OR5AS1: variants seen among roughly 807,000 people sequenced by gnomAD.
The protein encoded by OR5AS1 is olfactory receptor 5AS1.
For synonymous variants in OR5AS1, 196 were observed against 141.7 expected (o/e 1.38, Z -2.72); for missense variants, 492 against 378.2 (o/e 1.30, Z -2.50).
rs1853361216 is a variant in OR5AS1, at chr11:56,032,495, A to G, written c.*1102A>G. The G allele has an allele frequency of 6.6e-6, 1 of 152,130 alleles. No individual in the cohort carries two copies. The highest frequency in any genetic ancestry group is 2.1e-4 in the South Asian group (1 of 4,836). The allele number at this position is 152,130 out of a possible 1,614,324, so 9.4% of individuals were successfully genotyped here. ...GTCTTATTTTGACAAAGTTAAAGTG[A>G]TACACCATGTACATGTGAAATAAAA... On this transcript the variant is annotated 3_prime_UTR_variant, in exon 2 of 2. Coordinates refer to ENST00000641320, the MANE Select transcript of OR5AS1 (RefSeq NM_001001921.2).
At position 56,037,060 on chromosome 11, in the gene OR5AS1, CA is replaced by C. The variant is rs1364829354; in HGVS notation, c.*5669del. The C allele has an allele frequency of 7.9e-5, 12 of 152,064 alleles. No homozygotes were observed. The highest frequency in any genetic ancestry group is 1.6e-4 in the Non-Finnish European group (11 of 68,028). The allele number at this position is 152,064 out of a possible 1,614,324, so 9.4% of individuals were successfully genotyped here. ...TGCCGAAAAGGCCTTTGATAAAATT[CA>C]ACACCCTTCGTGCTAAAAACTCTCA... On this transcript the variant is annotated 3_prime_UTR_variant, in exon 2 of 2. Coordinates refer to ENST00000641320, the MANE Select transcript of OR5AS1 (RefSeq NM_001001921.2).
At chr11:56,030,354 T>A in intron 1 of OR5AS1, 37 bp from the exon 2 acceptor site, 2 of 1,030,992 alleles carry the variant, frequency 1.9e-6, no homozygotes, top group South Asian at 3.3e-5. Flanking sequence ...GGTTCATCCA[T>A]AACTCAAGTT....
Position 56,030,403 on chromosome 11 carries a change from A to G in OR5AS1, c.-16A>G. Reference sequence around the variant, plus strand: ...TGATACTACCTAGGTCCAGTGGGAAAAACAAGAAAACTAAGATGTTGGAGA... The same window carrying G: ...TGATACTACCTAGGTCCAGTGGGAAGAACAAGAAAACTAAGATGTTGGAGA... On this transcript the variant is annotated 5_prime_UTR_variant, in exon 2 of 2. Coordinates refer to ENST00000641320, the MANE Select transcript of OR5AS1 (RefSeq NM_001001921.2). 2 of 1,434,164 alleles carry G rather than the reference A, an allele frequency of 1.4e-6. No homozygotes were observed. The highest frequency in any genetic ancestry group is 1.8e-6 in the Non-Finnish European group (2 of 1,089,292). 88.8% of individuals were successfully genotyped at this position (1,434,164 alleles called of 1,614,324 possible).
At position 56,035,839 on chromosome 11, in the gene OR5AS1, C is replaced by G. The variant is rs191103504; in HGVS notation, c.*4446C>G. 2.0e-5 allele frequency: 3 copies of G among 152,076 alleles called. No homozygotes were observed. Among genetic ancestry groups the G allele is most frequent in the Non-Finnish European group, 4.4e-5 (3 of 68,042 alleles). The allele number at this position is 152,076 out of a possible 1,614,324, so 9.4% of individuals were successfully genotyped here. A position where few individuals can be genotyped will look rare whatever the true frequency, so the allele number is the denominator to read the frequency against. ...CCAAATCAATAGAATATACATTATT[C>G]TCAGCACCACATTGCATTTATTCTA... On this transcript the variant is annotated 3_prime_UTR_variant, in exon 2 of 2. Coordinates refer to ENST00000641320, the MANE Select transcript of OR5AS1 (RefSeq NM_001001921.2).
intron 1 of OR5AS1, among the ~76,000 whole-genome samples, chr11:56,029,329 A>C (rs746422268): frequency 2.0e-5 from 3 of 151,994 alleles, no homozygotes; most frequent in Admixed American, 6.6e-5. Flanking sequence ...TCATTTTTCC[A>C]TACAATGTTT....
rs995761159 is a variant in OR5AS1, at chr11:56,035,891, A to G, written c.*4498A>G. 1.3e-5 allele frequency: 2 copies of G among 152,106 alleles called. No individual in the cohort carries two copies. Among genetic ancestry groups the G allele is most frequent in the African/African-American group, 4.8e-5 (2 of 41,382 alleles). The allele number at this position is 152,106 out of a possible 1,614,324, so 9.4% of individuals were successfully genotyped here. A position where few individuals can be genotyped will look rare whatever the true frequency, so the allele number is the denominator to read the frequency against. ...AATTGACCACAATATTGCAAGTAAA[A>G]TACTCCTCAGCAAATGCAAAACAAT... On this transcript the variant is annotated 3_prime_UTR_variant, in exon 2 of 2. Transcript: ENST00000641320.
intron 1 of OR5AS1, 30 bp from the exon 2 acceptor site, chr11:56,030,361 A>G (rs940730538): frequency 8.0e-5 from 94 of 1,179,336 alleles, no homozygotes; most frequent in Non-Finnish European, 1.0e-4. Flanking sequence ...CCATAACTCA[A>G]GTTAACTCAC....
chr11:56,029,907 CG>C (rs1853330157), intron 1 of OR5AS1, among the ~76,000 whole-genome samples: 1 of 152,058 alleles, frequency 6.6e-6, no homozygotes, highest in African/African-American at 2.4e-5. Context: ...TTAACTACCA[CG>C]TTAAGTAACC....
Position 56,036,430 on chromosome 11 carries a change from T to C in OR5AS1, c.*5037T>C, listed in dbSNP as rs537854789. Reference sequence around the variant, plus strand: ...AGAGAGAAGAATCAAATAGACACAATAAAAAATTATAAAGGGGATATCACC... The same window carrying C: ...AGAGAGAAGAATCAAATAGACACAACAAAAAATTATAAAGGGGATATCACC... On this transcript the variant is annotated 3_prime_UTR_variant, in exon 2 of 2. Coordinates refer to ENST00000641320, the MANE Select transcript of OR5AS1 (RefSeq NM_001001921.2). 11 of 151,720 alleles carry C rather than the reference T, an allele frequency of 7.3e-5. No homozygotes were observed. Among genetic ancestry groups the C allele is most frequent in the South Asian group, 4.2e-4 (2 of 4,806 alleles). 9.4% of individuals were successfully genotyped at this position (151,720 alleles called of 1,614,324 possible).
rs1038891533 is a variant in OR5AS1, at chr11:56,032,254, T to A, written c.*861T>A. ...CTATCAAGATTATAAACTGTAGAAT[T>A]TCCTAATTATTTATATTCATGTTGC... On this transcript the variant is annotated 3_prime_UTR_variant, in exon 2 of 2. Transcript: ENST00000641320. 1.3e-5 allele frequency: 2 copies of A among 152,144 alleles called. No individual in the cohort carries two copies. The highest frequency in any genetic ancestry group is 1.5e-5 in the Non-Finnish European group (1 of 68,038). The allele number at this position is 152,144 out of a possible 1,614,324, so 9.4% of individuals were successfully genotyped here.
rs1177375520 is a variant in OR5AS1, at chr11:56,035,028, T to C, written c.*3635T>C. ...TCATATTCAGCCAAACTAAGCTTCA[T>C]GAGTGGAGGGAAATAAAATCCTTTA... On this transcript the variant is annotated 3_prime_UTR_variant, in exon 2 of 2. Transcript: ENST00000641320. 6.6e-6 allele frequency: 1 copy of C among 152,128 alleles called. No individual in the cohort carries two copies. Among genetic ancestry groups the C allele is most frequent in the Non-Finnish European group, 1.5e-5 (1 of 68,036 alleles). The allele number at this position is 152,128 out of a possible 1,614,324, so 9.4% of individuals were successfully genotyped here. A position where few individuals can be genotyped will look rare whatever the true frequency, so the allele number is the denominator to read the frequency against.
In OR5AS1 at chr11:56,031,398, C is replaced by G; in HGVS notation, c.*5C>G. On this transcript the variant is annotated 3_prime_UTR_variant, in exon 2 of 2. Transcript: ENST00000641320. ...TTAAGAATAGTCAATATCTAACTTA[C>G]CCTTCCAATCTCATAAACAGCAATT... The G allele has an allele frequency of 6.8e-7, 1 of 1,476,398 alleles. No individual in the cohort carries two copies. The highest frequency in any genetic ancestry group is 2.3e-5 in the East Asian group (1 of 44,100). 91.5% of individuals were successfully genotyped at this position (1,476,398 alleles called of 1,614,324 possible).
chr11:56,028,090 T>C (rs1853314175), intron 1 of OR5AS1, among the ~76,000 whole-genome samples: 1 of 152,026 alleles, frequency 6.6e-6, no homozygotes, highest in Non-Finnish European at 1.5e-5. Flanking sequence ...TGCAGTGTGG[T>C]TAATTGTTTG....
rs573529944 is a variant in OR5AS1, at chr11:56,031,041, C to A, written c.623C>A (p.Thr208Asn). 1 of 1,614,138 alleles carries A rather than the reference C, an allele frequency of 6.2e-7. No individual in the cohort carries two copies. Among genetic ancestry groups the A allele is most frequent in the East Asian group, 2.2e-5 (1 of 44,890 alleles). ...TTTGCTTTGTGCAGCTTCATCCAGA[C>A]CAGCACTTTTGTGGTAATATTTATT... is the stretch of plus-strand genomic sequence containing the variant. ...LLFALCSFIQ[T>N]STFVVIFISY... is the part of the protein sequence containing the mutation. The change falls in exon 2 of 2, where the codon ACC becomes AAC. Residue 208 changes from threonine (T) to asparagine (N), a missense_variant. Physicochemically the swap from Thr to Asn is moderately conservative, Grantham distance 65. Transcript: ENST00000641320.
At position 56,031,788 on chromosome 11, in the gene OR5AS1, T is replaced by C. The variant is rs1214787439; in HGVS notation, c.*395T>C. Reference sequence around the variant, plus strand: ...ACTGCATGTCTTCCTTATCTGTGTGTTTAGGCCATTTATGCATAGAGTTCC... The same window carrying C: ...ACTGCATGTCTTCCTTATCTGTGTGCTTAGGCCATTTATGCATAGAGTTCC... On this transcript the variant is annotated 3_prime_UTR_variant, in exon 2 of 2. Transcript: ENST00000641320. 1.3e-5 allele frequency: 2 copies of C among 158,698 alleles called. No individual in the cohort carries two copies. Among genetic ancestry groups the C allele is most frequent in the Non-Finnish European group, 2.8e-5 (2 of 71,838 alleles). 9.8% of individuals were successfully genotyped at this position (158,698 alleles called of 1,614,324 possible).
Position 56,038,000 on chromosome 11 carries a change from A to G in OR5AS1, c.*6607A>G, listed in dbSNP as rs1853426422. ...AACCATCTGATCTTTGACAAACCTG[A>G]CAAAAACAAGCAATGAGGAAAGGAT... On this transcript the variant is annotated 3_prime_UTR_variant, in exon 2 of 2. Coordinates refer to ENST00000641320, the MANE Select transcript of OR5AS1 (RefSeq NM_001001921.2). 6.6e-6 allele frequency: 1 copy of G among 152,200 alleles called. No homozygotes were observed. Among genetic ancestry groups the G allele is most frequent in the South Asian group, 2.1e-4 (1 of 4,836 alleles). 9.4% of individuals were successfully genotyped at this position (152,200 alleles called of 1,614,324 possible). A position where few individuals can be genotyped will look rare whatever the true frequency, so the allele number is the denominator to read the frequency against.
rs1853408766 is a variant in OR5AS1, at chr11:56,036,670, C to T, written c.*5277C>T. 6.6e-6 allele frequency: 1 copy of T among 151,948 alleles called. No homozygotes were observed. The highest frequency in any genetic ancestry group is 1.5e-5 in the Non-Finnish European group (1 of 68,018). 9.4% of individuals were successfully genotyped at this position (151,948 alleles called of 1,614,324 possible). A position where few individuals can be genotyped will look rare whatever the true frequency, so the allele number is the denominator to read the frequency against. ...CTACCAACAAAAAATAGTCCAGGAC[C>T]AGCCAAATTCTACCAGACATACAAA... On this transcript the variant is annotated 3_prime_UTR_variant, in exon 2 of 2. Coordinates refer to ENST00000641320, the MANE Select transcript of OR5AS1 (RefSeq NM_001001921.2).
chr11:56,030,151 G>A (rs960770276), intron 1 of OR5AS1, among the ~76,000 whole-genome samples: 7 of 151,940 alleles, frequency 4.6e-5, no homozygotes, highest in Admixed American at 1.3e-4. Context: ...AAAGTGCAGC[G>A]CGTTTAAAGA....
rs1236021840 is a variant in OR5AS1, at chr11:56,035,895, T to C, written c.*4502T>C. 6.6e-6 allele frequency: 1 copy of C among 152,092 alleles called. No homozygotes were observed. Among genetic ancestry groups the C allele is most frequent in the Admixed American group, 6.5e-5 (1 of 15,278 alleles). 9.4% of individuals were successfully genotyped at this position (152,092 alleles called of 1,614,324 possible). ...GACCACAATATTGCAAGTAAAATAC[T>C]CCTCAGCAAATGCAAAACAATGGAA... is the stretch of plus-strand genomic sequence containing the variant. On this transcript the variant is annotated 3_prime_UTR_variant, in exon 2 of 2. Coordinates refer to ENST00000641320, the MANE Select transcript of OR5AS1 (RefSeq NM_001001921.2).
Sources: allele counts gnomAD v4.1 joint callset (sites outside exome capture counted in the v4.1 genomes callset), GRCh38; gene constraint gnomAD v4.1.1; transcripts MANE v1.5; gene names NCBI Gene and HGNC (gene_info 2026-07-23, HGNC 2026-07-21).